ZNF212: variants seen among roughly 807,000 people sequenced by gnomAD.
ZNF212 encodes Zinc finger protein C2H2-150.
ZNF212 carries 32 observed loss-of-function variants against 47.3 expected under a neutral mutation model. The observed-to-expected ratio is 0.68, with a 90% CI of 0.51 to 0.91. The LOEUF is 0.91. Ranked by LOEUF, ZNF212 falls within the 40% of genes least tolerant of loss-of-function variation. The pLI is 0.00. For missense variants in ZNF212, 555 were observed against 622.8 expected (o/e 0.89, Z 1.16); for synonymous variants, 242 against 253.8 (o/e 0.95, Z 0.44).
rs1212726427 is a variant in ZNF212 at position 149,250,223 on chromosome 7, A to G, written c.89A>G (p.Lys30Arg). Residue 30 changes from lysine to arginine, a missense_variant, in exon 2 of 5, where the codon AAA (lysine) becomes AGA (arginine). Physicochemically the swap from Lys to Arg is conservative, Grantham distance 26. Coordinates refer to ENST00000335870, the MANE Select transcript of ZNF212 (RefSeq NM_012256.4). The stretch of plus-strand genomic sequence containing the variant: ...ACACTTCCTTCACAAGCAACAGAGA[A>G]AAGCTCCTATTTTCAGACCACCGAG... Reference protein sequence around the residue: ...SSTLPSQATEKSSYFQTTEIS... With the variant: ...SSTLPSQATERSSYFQTTEIS... 1.9e-6 allele frequency: 3 copies of G among 1,563,630 alleles called. No individual in the cohort carries two copies. Among genetic ancestry groups the G allele is most frequent in the East Asian group, 2.3e-5 (1 of 43,536 alleles).
chr7:149,253,260 G>A (rs1238583912), intron 4 of ZNF212, among the ~76,000 whole-genome samples: 1 of 152,150 alleles, frequency 6.6e-6, no homozygotes, highest in Non-Finnish European at 1.5e-5. Flanking sequence ...TTGTTACAGT[G>A]TATTCTGTCA....
Position 149,252,759 on chromosome 7 carries a change from G to C in ZNF212, c.595G>C (p.Asp199His). The part of the protein sequence containing the change: ...EAELGTEMLG[D>H]LEEEGPGGAH... ...GGAGTTGGGTACAGAGATGCTGGGT[G>C]ACTTGGAAGAGGAAGGTCCTGGTGG... The change falls in exon 4 of 5, where the codon GAC becomes CAC. Residue 199 changes from aspartate to histidine, a missense_variant. Coordinates refer to ENST00000335870, the MANE Select transcript of ZNF212 (RefSeq NM_012256.4). The C allele has an allele frequency of 5.0e-6, 8 of 1,614,114 alleles. No homozygotes were observed. The highest frequency in any genetic ancestry group is 5.9e-6 in the Non-Finnish European group (7 of 1,180,028).
At chr7:149,244,744 T>C (rs1178202212) in intron 1 of ZNF212, among the ~76,000 whole-genome samples, 2 of 152,178 alleles carry the variant, frequency 1.3e-5, no homozygotes, top group Non-Finnish European at 2.9e-5. Flanking sequence ...CCATGTCTAT[T>C]GGTTGATGCT....
intron 1 of ZNF212, 173 bp downstream of exon 1, chr7:149,239,975 TC>T: frequency 1.4e-6 from 1 of 726,150 alleles, no homozygotes; most frequent in Non-Finnish European, 1.9e-6. Context: ...TGCCCTTTTT[TC>T]CCTCCGCTTC....
At chr7:149,251,941 T>TAAAAAAAAAAAAAAA (rs36067111) in intron 3 of ZNF212, among the ~76,000 whole-genome samples, 5 of 109,540 alleles carry the variant, frequency 4.6e-5, no homozygotes, top group African/African-American at 7.0e-5. Flanking sequence ...CTCTGTTGCT[T>TAAAAAAAAAAAAAAA]AAAAAAAAAA....
chr7:149,250,587 G>A (rs759182887), intron 2 of ZNF212, 39 bp downstream of exon 2: 2 of 1,603,950 alleles, frequency 1.2e-6, no homozygotes, highest in Admixed American at 3.4e-5. Flanking sequence ...AGAGAAGGGG[G>A]AGCCAGCCCT....
Position 149,239,700 on chromosome 7 carries a change from G to A in ZNF212, c.-79G>A. On this transcript the variant is annotated 5_prime_UTR_variant, in exon 1 of 5. Transcript: ENST00000335870. The stretch of plus-strand genomic sequence containing the variant: ...CGGCGGCGGCGGCGGCTTCCAACAG[G>A]CTCTGGGGCGCCGAGCGGACAGGAA... 1 of 1,178,460 alleles carries A rather than the reference G, an allele frequency of 8.5e-7. No homozygotes were observed. Among genetic ancestry groups the A allele is most frequent in the Non-Finnish European group, 1.1e-6 (1 of 920,256 alleles). 73.0% of individuals were successfully genotyped at this position (1,178,460 alleles called of 1,614,324 possible).
In ZNF212 at chr7:149,248,066, A is replaced by T. The variant is rs536121324; in HGVS notation, c.25-2093A>T. 1.6e-3 allele frequency among the ~76,000 whole-genome samples: 237 copies of T among 152,260 alleles called. 2 individuals carry two copies. Among genetic ancestry groups the T allele is most frequent in the African/African-American group, 5.6e-3 (231 of 41,538 alleles). On this transcript the variant is annotated intron_variant, in intron 1 of 4. Transcript: ENST00000335870. Reference sequence around the variant, plus strand: ...TCACAACCCACTGTAGTGGGAACTAATCCATTCCTGCCAATGACAGCTCAC... The same window carrying T: ...TCACAACCCACTGTAGTGGGAACTATTCCATTCCTGCCAATGACAGCTCAC...
intron 1 of ZNF212, among the ~76,000 whole-genome samples, chr7:149,247,290 G>T (rs897252443): frequency 6.6e-6 from 1 of 151,672 alleles, no homozygotes; most frequent in African/African-American, 2.4e-5. Flanking sequence ...TAAAAAAATT[G>T]TGGAGGTGGG....
chr7:149,252,641 A>G, intron 3 of ZNF212, 65 bp from the exon 4 acceptor site: 1 of 1,460,698 alleles, frequency 6.8e-7, no homozygotes, highest in Non-Finnish European at 9.6e-7. Context: ...GGTCACTGGC[A>G]GCTGATCAGT....
intron 1 of ZNF212, among the ~76,000 whole-genome samples, chr7:149,241,716 A>T (rs1190512767): frequency 6.6e-6 from 1 of 152,214 alleles, no homozygotes; most frequent in Non-Finnish European, 1.5e-5. Context: ...TAGAGTTCTG[A>T]AGCCAACTTT....
chr7:149,251,822 G>A (rs963447704), intron 3 of ZNF212, among the ~76,000 whole-genome samples: 2 of 149,764 alleles, frequency 1.3e-5, no homozygotes, highest in African/African-American at 4.9e-5. Flanking sequence ...AAGACTATTT[G>A]AGATGGGTGT....
chr7:149,248,905 C>A (rs994258504), intron 1 of ZNF212, among the ~76,000 whole-genome samples: 4 of 152,218 alleles, frequency 2.6e-5, no homozygotes, highest in African/African-American at 9.6e-5. Flanking sequence ...CAGTCAGTTT[C>A]CTTTTGTCCC....
rs780817539 is a variant in ZNF212, at chr7:149,254,363, G to A, written c.1436G>A (p.Arg479Gln). 5 of 1,609,696 alleles carry A rather than the reference G, an allele frequency of 3.1e-6. No individual in the cohort carries two copies. The highest frequency in any genetic ancestry group is 2.2e-5 in the East Asian group (1 of 44,880). ...HLLQHQKIHQRERGGLALEPG... is the reference protein window; with the variant it reads ...HLLQHQKIHQQERGGLALEPG... ...CTGCAGCACCAGAAGATCCACCAGC[G>A]GGAGCGGGGTGGGCTGGCCCTGGAG... is the stretch of plus-strand genomic sequence containing the variant. Residue 479 changes from arginine to glutamine, a missense_variant, in exon 5 of 5, where the codon CGG becomes CAG. By Grantham distance (43) the Arg-to-Gln change is conservative. Coordinates refer to ENST00000335870, the MANE Select transcript of ZNF212 (RefSeq NM_012256.4). The surrounding 1 kb of genome is among the most constrained non-coding windows in gnomAD (Gnocchi z 4.5).
rs1796556985 is a variant in ZNF212 at position 149,239,689 on chromosome 7, G to GCGA, written c.-89_-88insGAC. 3.1e-6 allele frequency: 4 copies of GCGA among 1,292,606 alleles called. No individual in the cohort carries two copies. Among genetic ancestry groups the GCGA allele is most frequent in the South Asian group, 2.8e-5 (1 of 35,706 alleles). The allele number at this position is 1,292,606 out of a possible 1,614,324, so 80.1% of individuals were successfully genotyped here. A position where few individuals can be genotyped will look rare whatever the true frequency, so the allele number is the denominator to read the frequency against. On this transcript the variant is annotated 5_prime_UTR_variant, in exon 1 of 5. Transcript: ENST00000335870. ...CATCAACACGGCGGCGGCGGCGGCGGCTTCCAACAGGCTCTGGGGCGCCGA... is the reference window on the plus strand; with the variant it reads ...CATCAACACGGCGGCGGCGGCGGCGGCGACTTCCAACAGGCTCTGGGGCGCCGA...
At chr7:149,249,332 G>T (rs1413523490) in intron 1 of ZNF212, among the ~76,000 whole-genome samples, 3 of 152,160 alleles carry the variant, frequency 2.0e-5, no homozygotes, top group Non-Finnish European at 4.4e-5. Flanking sequence ...AAGGAATTTT[G>T]TCTTTATTGT....
At chr7:149,252,640 C>A in intron 3 of ZNF212, 66 bp from the exon 4 acceptor site, 2 of 1,452,440 alleles carry the variant, frequency 1.4e-6, no homozygotes, top group African/African-American at 1.4e-5. Flanking sequence ...TGGTCACTGG[C>A]AGCTGATCAG....
chr7:149,247,687 A>G (rs1796696970), intron 1 of ZNF212, among the ~76,000 whole-genome samples: 1 of 152,152 alleles, frequency 6.6e-6, no homozygotes, highest in African/African-American at 2.4e-5. Context: ...GGAGTCTGAA[A>G]TCAAGATGTT....
At position 149,250,155 on chromosome 7, in the gene ZNF212, T is replaced by C. The variant is rs201121826; in HGVS notation, c.25-4T>C. ...ACATTGACCCTGTGTCTTTAATCCATCAGCACAGGAGAAAACGACGCTCCA... is the reference window on the plus strand; with the variant it reads ...ACATTGACCCTGTGTCTTTAATCCACCAGCACAGGAGAAAACGACGCTCCA... On this transcript the variant is annotated splice_polypyrimidine_tract_variant and splice_region_variant and intron_variant, in intron 1 of 4. Transcript: ENST00000335870. 8.1e-5 allele frequency: 123 copies of C among 1,514,464 alleles called. No homozygotes were observed. Among genetic ancestry groups the C allele is most frequent in the Non-Finnish European group, 1.0e-4 (113 of 1,134,306 alleles). The allele number at this position is 1,514,464 out of a possible 1,614,324, so 93.8% of individuals were successfully genotyped here.
Sources: allele counts gnomAD v4.1 joint callset (sites outside exome capture counted in the v4.1 genomes callset), GRCh38; gene constraint gnomAD v4.1.1; non-coding constraint Gnocchi (gnomAD v3.1); transcripts MANE v1.5; gene names NCBI Gene and HGNC (gene_info 2026-07-23, HGNC 2026-07-21).